The following PCBP3 variants were observed in gnomAD, a reference collection of about 807,000 sequenced individuals.
The protein encoded by PCBP3 is poly(rC) binding protein 3, also known as poly(rC)-binding protein 3.
Under a neutral mutation model 52.7 loss-of-function variants are expected in PCBP3, and 25 were observed. The ratio of observed to expected loss-of-function variants is 0.47; its 90% CI spans 0.35 to 0.66. The LOEUF is 0.66. Ranked by LOEUF, PCBP3 falls within the 30% of genes least tolerant of loss-of-function variation. The pLI is 0.01. For missense variants in PCBP3, 391 were observed against 490.3 expected, an observed-to-expected ratio of 0.80 and a Z score of 1.91; for synonymous variants, 162 against 183.0, an observed-to-expected ratio of 0.89 and a Z score of 0.93.
chr21:45,774,330 C>T (rs1463910878), intron 4 of PCBP3, among the ~76,000 whole-genome samples: 1 of 151,178 alleles, frequency 6.6e-6, no homozygotes, highest in Non-Finnish European at 1.5e-5. Context: ...TCCCTTGAAC[C>T]TGTGAACCGA....
At chr21:45,835,382 G>A (rs556900218) in intron 4 of PCBP3, among the ~76,000 whole-genome samples, 13 of 152,248 alleles carry the variant, frequency 8.5e-5, no homozygotes, top group South Asian at 4.1e-4. Flanking sequence ...TCCTGTGCAC[G>A]GGGGTCACAG....
At chr21:45,668,197 A>G (rs1324485641) in intron 1 of PCBP3, among the ~76,000 whole-genome samples, 1 of 152,094 alleles carries the variant, frequency 6.6e-6, no homozygotes, top group Middle Eastern at 3.2e-3. Context: ...CTATGTATGC[A>G]CCATGGCCTT....
intron 4 of PCBP3, among the ~76,000 whole-genome samples, chr21:45,804,438 A>G (rs2092423702): frequency 6.6e-6 from 1 of 152,202 alleles, no homozygotes; most frequent in African/African-American, 2.4e-5. Context: ...GTGAAACAGC[A>G]CGATTAACTG....
rs2073680832 is a variant in PCBP3 at position 45,917,525 on chromosome 21, C to T, written c.676-63C>T. On this transcript the variant is annotated intron_variant, in intron 12 of 17. Transcript: ENST00000681687. The surrounding 1 kb of genome is among the most constrained non-coding windows in gnomAD (Gnocchi z 5.3). Reference sequence around the variant, plus strand: ...GGGTCCTTGTCATGCTGGAGGGTGGCGGCGGGTGCTGAGCCGTGGTGCAGC... The same window carrying T: ...GGGTCCTTGTCATGCTGGAGGGTGGTGGCGGGTGCTGAGCCGTGGTGCAGC... The T allele has an allele frequency of 6.9e-6, 9 of 1,311,622 alleles. No individual in the cohort carries two copies. The highest frequency in any genetic ancestry group is 2.3e-5 in the East Asian group (1 of 43,324). The allele number at this position is 1,311,622 out of a possible 1,614,324, so 81.2% of individuals were successfully genotyped here.
intron 5 of PCBP3, among the ~76,000 whole-genome samples, chr21:45,861,348 T>A (rs1451520902): frequency 3.9e-5 from 6 of 152,162 alleles, no homozygotes; most frequent in Non-Finnish European, 8.8e-5. Flanking sequence ...GCAGGCTGTT[T>A]GTGAACACCA....
At chr21:45,644,976 C>G (rs2079161314) in intron 1 of PCBP3, among the ~76,000 whole-genome samples, 1 of 152,182 alleles carries the variant, frequency 6.6e-6, no homozygotes, top group South Asian at 2.1e-4. Flanking sequence ...AGAACTAACT[C>G]CCAGTCCTCC....
intron 2 of PCBP3, among the ~76,000 whole-genome samples, chr21:45,731,971 G>C (rs2085488979): frequency 6.6e-6 from 1 of 151,276 alleles, no homozygotes; most frequent in Non-Finnish European, 1.5e-5. Flanking sequence ...CTGTTTCAAT[G>C]GTTTTCACTT....
intron 2 of PCBP3, among the ~76,000 whole-genome samples, chr21:45,698,781 A>C (rs2082937418): frequency 6.6e-6 from 1 of 152,182 alleles, no homozygotes; most frequent in Non-Finnish European, 1.5e-5. Context: ...AATCAAGGAG[A>C]TTTTGGCTTG....
intron 2 of PCBP3, chr21:45,673,862 A>G: frequency 6.6e-6 from 1 of 152,326 alleles, no homozygotes; most frequent in South Asian, 2.1e-4. Context: ...ATGTCTCTCT[A>G]TGAGTTTTAC....
intron 5 of PCBP3, among the ~76,000 whole-genome samples, chr21:45,891,298 CA>C (rs950998981): frequency 6.6e-6 from 1 of 152,206 alleles, no homozygotes; most frequent in Non-Finnish European, 1.5e-5. Flanking sequence ...GAACTGTGCA[CA>C]AATGTCTAAA....
intron 9 of PCBP3, among the ~76,000 whole-genome samples, chr21:45,905,349 A>G (rs2096174916): frequency 6.6e-6 from 1 of 152,236 alleles, no homozygotes; most frequent in Non-Finnish European, 1.5e-5. Context: ...GTGGGCTTCC[A>G]GCAGAGCTAA....
At chr21:45,790,417 CCA>C (rs2091461557) in intron 4 of PCBP3, among the ~76,000 whole-genome samples, 3 of 152,158 alleles carry the variant, frequency 2.0e-5, no homozygotes, top group Admixed American at 1.3e-4. Context: ...GGACGCCGTG[CCA>C]TTCAGGCAGA....
chr21:45,840,806 G>A (rs1252571042), intron 4 of PCBP3, among the ~76,000 whole-genome samples: 1 of 152,142 alleles, frequency 6.6e-6, no homozygotes. Flanking sequence ...GTAGCGCTGA[G>A]GTCTCCCTAC....
chr21:45,717,063 T>G (rs1446749433), intron 2 of PCBP3, among the ~76,000 whole-genome samples: 3 of 152,186 alleles, frequency 2.0e-5, no homozygotes, highest in Non-Finnish European at 4.4e-5. Context: ...AAGTCTTGCA[T>G]TTTTAAAAAA....
intron 5 of PCBP3, chr21:45,894,154 C>T (rs747102575): frequency 4.8e-6 from 2 of 414,962 alleles, no homozygotes; most frequent in African/African-American, 2.1e-5. Flanking sequence ...CCAGGTGACC[C>T]GCACGGCACA....
Position 45,928,488 on chromosome 21 carries a change from G to A in PCBP3, c.718-1429G>A, listed in dbSNP as rs924914552. On this transcript the variant is annotated intron_variant, in intron 13 of 17. Transcript: ENST00000681687. The surrounding 1 kb of genome is among the most constrained non-coding windows in gnomAD (Gnocchi z 4.1). ...TCTTAGGGGAGGGCTCCCAGCTCCT[G>A]AGAGGCCAAGTTCAAACCCACCCAG... Among the ~76,000 whole-genome samples, 1 of 152,158 alleles carries A rather than the reference G, an allele frequency of 6.6e-6. No individual in the cohort carries two copies. Among genetic ancestry groups the A allele is most frequent in the African/African-American group, 2.4e-5 (1 of 41,450 alleles).
chr21:45,939,877 T>G (rs2077270046), intron 16 of PCBP3, among the ~76,000 whole-genome samples, 153 bp from the exon 17 acceptor site: 1 of 152,158 alleles, frequency 6.6e-6, no homozygotes, highest in South Asian at 2.1e-4. Flanking sequence ...CAGGCAGGTG[T>G]GGGCGGGGCC....
intron 5 of PCBP3, among the ~76,000 whole-genome samples, chr21:45,860,249 G>A (rs2094460611): frequency 6.6e-6 from 1 of 152,196 alleles, no homozygotes; most frequent in Non-Finnish European, 1.5e-5. Context: ...GTGCCCTTCT[G>A]TGTCCTGGCA....
chr21:45,712,086 C>G (rs1385070341), intron 2 of PCBP3, among the ~76,000 whole-genome samples: 1 of 152,172 alleles, frequency 6.6e-6, no homozygotes, highest in Admixed American at 6.5e-5. Flanking sequence ...TAGTTCATTT[C>G]TTTTTATCAC....
Sources: allele counts gnomAD v4.1 joint callset (sites outside exome capture counted in the v4.1 genomes callset), GRCh38; gene constraint gnomAD v4.1.1; non-coding constraint Gnocchi (gnomAD v3.1); transcripts MANE v1.5; gene names NCBI Gene and HGNC (gene_info 2026-07-23, HGNC 2026-07-21).